DAAM2: variants seen among roughly 807,000 people sequenced by gnomAD.
DAAM2 encodes disheveled-associated activator of morphogenesis 2.
In DAAM2, 39 loss-of-function variants were observed where a neutral mutation model predicts 120.7. The observed-to-expected ratio is 0.32, with a 90% CI of 0.25 to 0.42. The LOEUF is 0.42. Among genes scored for constraint, DAAM2 ranks in the 10% least tolerant of loss-of-function variants. The probability of loss-of-function intolerance (pLI) is 1.00; values close to 1 mark genes in which losing one functional copy is unlikely to be tolerated. For missense variants in DAAM2, 1,283 were observed against 1,401.7 expected (o/e 0.92, Z 1.35); for synonymous variants, 488 against 524.9 (o/e 0.93, Z 0.96).
At chr6:39,794,192 A>G (rs1761630908) in intron 1 of DAAM2, among the ~76,000 whole-genome samples, 1 of 151,334 alleles carries the variant, frequency 6.6e-6, no homozygotes, top group South Asian at 2.1e-4. Flanking sequence ...GCATGTAAAC[A>G]GGAGTGACTG....
At chr6:39,868,585 C>T (rs1237104937) in intron 6 of DAAM2, 1 of 534,644 alleles carries the variant, frequency 1.9e-6, no homozygotes, top group African/African-American at 1.9e-5. Flanking sequence ...GTAGACCAAG[C>T]CCCAAAGGCT....
intron 19 of DAAM2, among the ~76,000 whole-genome samples, chr6:39,896,030 TTTAA>T (rs1386574035): frequency 1.1e-4 from 17 of 150,026 alleles, no homozygotes; most frequent in Non-Finnish European, 1.6e-4. Context: ...GAATATGTTA[TTTAA>T]TTGATTTTTT....
chr6:39,888,466 C>T (rs1765504553), intron 16 of DAAM2: 2 of 436,796 alleles, frequency 4.6e-6, no homozygotes, highest in East Asian at 6.8e-5. Context: ...CAGAGACCCT[C>T]ACGTCTCTAT....
intron 1 of DAAM2, among the ~76,000 whole-genome samples, chr6:39,816,195 C>T (rs1762304256): frequency 6.6e-6 from 1 of 152,182 alleles, no homozygotes; most frequent in Admixed American, 6.5e-5. Context: ...GGGGCAGAGC[C>T]CAAGGCTGCG....
chr6:39,825,511 T>G (rs1762641570), intron 1 of DAAM2, among the ~76,000 whole-genome samples: 1 of 151,980 alleles, frequency 6.6e-6, no homozygotes. Context: ...AGCCCAGCTC[T>G]GCCAGTGTGT....
intron 6 of DAAM2, chr6:39,868,182 A>T (rs1031954387): frequency 3.1e-6 from 1 of 327,270 alleles, no homozygotes. Flanking sequence ...GGGCTCAGTC[A>T]AGAATTACTG....
chr6:39,863,989 T>G (rs1562035245), intron 3 of DAAM2, among the ~76,000 whole-genome samples: 1 of 152,172 alleles, frequency 6.6e-6, no homozygotes, highest in Non-Finnish European at 1.5e-5. Flanking sequence ...AGACTTAAGT[T>G]TTTAAATTTC....
intron 1 of DAAM2, among the ~76,000 whole-genome samples, chr6:39,846,968 C>A (rs1457087962): frequency 6.6e-6 from 1 of 152,204 alleles, no homozygotes; most frequent in Non-Finnish European, 1.5e-5. Flanking sequence ...CAGCTCAGCT[C>A]CCATCCTACC....
chr6:39,880,074 G>C (rs578100410), intron 14 of DAAM2: 1 of 158,096 alleles, frequency 6.3e-6, no homozygotes, highest in East Asian at 1.9e-4. Context: ...GACGCCCTTG[G>C]TTGCATTAGA....
At position 39,878,920 on chromosome 6, in the gene DAAM2, T is replaced by C. The variant is rs372882244; in HGVS notation, c.1546-258T>C. Among the ~76,000 whole-genome samples, 11 of 152,200 alleles carry C rather than the reference T, an allele frequency of 7.2e-5. No homozygotes were observed. The East Asian group carries it at 1.5e-3, about 21-fold the overall frequency. ...TGCATAGATCAGTCCTGCTGTTGCA[T>C]TGTGATGGCTATGACTCTGATTGTC... On this transcript the variant is annotated intron_variant, in intron 13 of 24. Transcript: ENST00000274867. The surrounding 1 kb of genome is among the most constrained non-coding windows in gnomAD (Gnocchi z 5.0).
At chr6:39,824,737 T>C (rs4495259) in intron 1 of DAAM2, among the ~76,000 whole-genome samples, 46,278 of 151,970 alleles carry the variant, frequency 0.3, 7,656 homozygotes, top group African/African-American at 0.43. Context: ...TGGTGCCTTC[T>C]CGGCAAGAGC....
chr6:39,868,495 T>G (rs2504089), intron 6 of DAAM2: 198,386 of 302,548 alleles, frequency 0.66, 67,000 homozygotes, highest in African/African-American at 0.84. Flanking sequence ...ATACCATAAA[T>G]GAGCTAGGCA....
chr6:39,882,983 GT>G (rs1765197574), intron 14 of DAAM2, among the ~76,000 whole-genome samples: 1 of 152,112 alleles, frequency 6.6e-6, no homozygotes, highest in South Asian at 2.1e-4. Context: ...TCTGAGGGGG[GT>G]TGTAGGGAGG....
At position 39,865,046 on chromosome 6, in the gene DAAM2, AAGAC is replaced by A; in HGVS notation, c.403_406del (p.Thr135ProfsTer7). 6.3e-7 allele frequency: 1 copy of A among 1,597,454 alleles called. No homozygotes were observed. Among genetic ancestry groups the A allele is most frequent in the Non-Finnish European group, 8.6e-7 (1 of 1,168,724 alleles). On this transcript the variant is annotated frameshift_variant, in exon 5 of 25. Coordinates refer to ENST00000274867, the MANE Select transcript of DAAM2 (RefSeq NM_001201427.2). LOFTEE classifies it high-confidence loss of function. ...GAGGAACCAAGTCGTGGAAGACCTG[AAGAC>A]AGCCCTCCGGACACAGCCTATGAGG...
chr6:39,828,581 T>TTTTTTTTTTTTTG (rs1372409752), intron 1 of DAAM2, among the ~76,000 whole-genome samples: 1 of 151,382 alleles, frequency 6.6e-6, no homozygotes, highest in African/African-American at 2.4e-5. Context: ...TTTTTTTTTT[T>TTTTTTTTTTTTTG]GAGACGGATT....
Position 39,900,138 on chromosome 6 carries a change from G to T in DAAM2, c.2741G>T (p.Ser914Ile), listed in dbSNP as rs375047648. ...EPSDKFVPVM[S>I]DFITVSSFSF... is the part of the protein sequence containing the mutation. ...AGTGACAAGTTTGTCCCTGTCATGA[G>T]CGACTTCATCACGGTGTCCAGCTTC... Residue 914 changes from serine (S) to isoleucine (I), a missense_variant, in exon 23 of 25, where the codon AGC becomes ATC. Ser to Ile is a moderately radical substitution (Grantham distance 142). Coordinates refer to ENST00000274867, the MANE Select transcript of DAAM2 (RefSeq NM_001201427.2). 6.2e-7 allele frequency: 1 copy of T among 1,603,414 alleles called. No individual in the cohort carries two copies.
At chr6:39,887,840 G>A (rs1047261123) in intron 16 of DAAM2, 13 of 465,712 alleles carry the variant, frequency 2.8e-5, no homozygotes, top group African/African-American at 7.9e-5. Context: ...CTAAGCCCAC[G>A]GAGGGCCTCG....
chr6:39,842,084 A>G (rs1012836500), intron 1 of DAAM2, among the ~76,000 whole-genome samples: 2 of 152,188 alleles, frequency 1.3e-5, no homozygotes, highest in African/African-American at 2.4e-5. Context: ...TGAGAAACCT[A>G]TTGAGGGTGC....
At chr6:39,798,474 A>G (rs1413917211) in intron 1 of DAAM2, among the ~76,000 whole-genome samples, 1 of 152,214 alleles carries the variant, frequency 6.6e-6, no homozygotes, top group African/African-American at 2.4e-5. Context: ...CAAGGGATGA[A>G]GTAGGAAAAA....
Sources: gnomAD v4.1 joint callset for allele counts (sites outside exome capture counted in the v4.1 genomes callset) on GRCh38, gnomAD v4.1.1 for gene constraint, Gnocchi (gnomAD v3.1) non-coding constraint, MANE v1.5 for transcripts, NCBI Gene and HGNC (gene_info 2026-07-23, HGNC 2026-07-21) for gene names.